The following HORMAD2 variants were observed in gnomAD, a reference collection of about 807,000 sequenced individuals.
The protein encoded by HORMAD2 is HORMA domain containing 2.
In HORMAD2, 45 loss-of-function variants were observed where a neutral mutation model predicts 38.8. The ratio of observed to expected loss-of-function variants is 1.16; its 90% CI spans 0.91 to 1.49. HORMAD2 has a LOEUF of 1.49. Ranked by LOEUF, HORMAD2 falls within the 40% of genes most tolerant of loss-of-function variation. The pLI, the probability that HORMAD2 is intolerant of heterozygous loss-of-function variation, is 0.00. For synonymous variants in HORMAD2, 126 were observed against 122.8 expected (o/e 1.03, Z -0.17); for missense variants, 338 against 367.0 (o/e 0.92, Z 0.65).
At chr22:30,083,708 C>T (rs949369113) in intron 1 of HORMAD2, among the ~76,000 whole-genome samples, 6 of 152,064 alleles carry the variant, frequency 3.9e-5, no homozygotes, top group Non-Finnish European at 2.9e-5. Flanking sequence ...CTCCACCTCC[C>T]GGGTTCAAGC....
chr22:30,191,402 G>C, the HORMAD2 span, among the ~76,000 whole-genome samples: 1 of 152,112 alleles, frequency 6.6e-6, no homozygotes, highest in African/African-American at 2.4e-5. Flanking sequence ...GGAAGAGGAG[G>C]GGGGCTCCTT....
intron 1 of HORMAD2, among the ~76,000 whole-genome samples, chr22:30,088,099 G>A (rs558038472): frequency 8.6e-5 from 11 of 127,612 alleles, no homozygotes; most frequent in African/African-American, 1.5e-4. Context: ...ATACACACAC[G>A]TACACACGTG....
intron 10 of HORMAD2, among the ~76,000 whole-genome samples, chr22:30,126,058 G>A (rs1922836662): frequency 6.6e-6 from 1 of 152,022 alleles, no homozygotes; most frequent in Non-Finnish European, 1.5e-5. Flanking sequence ...GAAACCCCCA[G>A]TCTTATTTTA....
intron 2 of HORMAD2, among the ~76,000 whole-genome samples, chr22:30,097,356 T>C (rs1356069724): frequency 6.6e-6 from 1 of 152,246 alleles, no homozygotes; most frequent in African/African-American, 2.4e-5. Flanking sequence ...ATTCCTTTTA[T>C]GGCACACTAT....
intron 10 of HORMAD2, among the ~76,000 whole-genome samples, chr22:30,173,937 A>C (rs576896687): frequency 1.3e-5 from 2 of 152,362 alleles, no homozygotes; most frequent in East Asian, 1.9e-4. Flanking sequence ...TCAGCTGGCT[A>C]TCCTATTTGT....
chr22:30,181,593 T>C (rs1441616345), downstream of HORMAD2, among the ~76,000 whole-genome samples: 2 of 152,186 alleles, frequency 1.3e-5, no homozygotes, highest in African/African-American at 2.4e-5. Context: ...GAGAACAGAC[T>C]GAATAAACAA....
intron 10 of HORMAD2, among the ~76,000 whole-genome samples, chr22:30,171,660 C>T (rs1458522580): frequency 1.3e-5 from 2 of 152,000 alleles, no homozygotes; most frequent in African/African-American, 4.8e-5. Flanking sequence ...TTTATTGAAC[C>T]TTTACTATGT....
upstream of HORMAD2, among the ~76,000 whole-genome samples, chr22:30,078,153 G>C (rs2068406314): frequency 6.6e-6 from 1 of 152,156 alleles, no homozygotes; most frequent in Non-Finnish European, 1.5e-5. Flanking sequence ...GAGGAAAACA[G>C]GGTAATTTAT....
intron 10 of HORMAD2, among the ~76,000 whole-genome samples, chr22:30,168,284 C>A (rs1925904838): frequency 6.6e-6 from 1 of 152,184 alleles, no homozygotes; most frequent in African/African-American, 2.4e-5. Context: ...AATCATTCAA[C>A]TTTCTGCTCT....
At chr22:30,180,201 T>G (rs1013255810), downstream of HORMAD2, among the ~76,000 whole-genome samples, 2 of 152,108 alleles carry the variant, frequency 1.3e-5, no homozygotes, top group African/African-American at 4.8e-5. Context: ...CATTAAACAT[T>G]TTAGTCTGGA....
the HORMAD2 span, chr22:30,207,039 C>G: frequency 2.1e-6 from 1 of 470,360 alleles, no homozygotes; most frequent in African/African-American, 2.0e-5. Context: ...TCGTGTCGGC[C>G]TTGCTCACCC....
chr22:30,121,995 T>C lies in HORMAD2; in HGVS notation c.600T>C (p.Phe200=), dbSNP rs748865572. ...VTPHDYQPLG[F]KEGVNSHFLL... ...CACATGATTACCAACCCCTCGGTTT[T>C]AAAGAAGGGGTAAATTCACACTTCC... The change falls in exon 10 of 11, where the codon TTT becomes TTC. Residue 200 remains phenylalanine, a synonymous_variant. Transcript: ENST00000336726. 6.8e-5 allele frequency: 110 copies of C among 1,611,938 alleles called. No homozygotes were observed. Among genetic ancestry groups the C allele is most frequent in the Non-Finnish European group, 9.2e-5 (109 of 1,178,958 alleles).
At chr22:30,134,693 CA>C in intron 10 of HORMAD2, among the ~76,000 whole-genome samples, 1 of 140,202 alleles carries the variant, frequency 7.1e-6, no homozygotes, top group South Asian at 2.3e-4. Context: ...GCTCTGTCAC[CA>C]AAAAAAGAAA....
chr22:30,142,428 T>C (rs974948251), intron 10 of HORMAD2, among the ~76,000 whole-genome samples: 12 of 152,244 alleles, frequency 7.9e-5, no homozygotes, highest in African/African-American at 2.9e-4. Flanking sequence ...GTTCAGATAT[T>C]CTGCCTAATT....
At position 30,147,125 on chromosome 22, in the gene HORMAD2, A is replaced by G. The variant is rs537442330; in HGVS notation, c.819+24911A>G. On this transcript the variant is annotated intron_variant, in intron 10 of 10. Transcript: ENST00000336726. ...GTTAATTTTCCCCAAATTGATCTAT[A>G]CATTCAATGCAATCCCAATCAAAAC... 3.3e-5 allele frequency among the ~76,000 whole-genome samples: 5 copies of G among 152,336 alleles called. No homozygotes were observed. In the South Asian group the frequency reaches 1.0e-3, roughly 32 times the overall value.
At position 30,111,454 on chromosome 22, in the gene HORMAD2, C is replaced by T. The variant is rs922690595; in HGVS notation, c.295-342C>T. 5.9e-5 allele frequency among the ~76,000 whole-genome samples: 9 copies of T among 152,212 alleles called. No homozygotes were observed. In the East Asian group the frequency reaches 1.4e-3, roughly 23 times the overall value. ...TCAGCCGATATCATGCCACAACACT[C>T]CAACCTGGGTGACAGAGTGAGACTC... is the stretch of plus-strand genomic sequence containing the variant. On this transcript the variant is annotated intron_variant, in intron 5 of 10. Coordinates refer to ENST00000336726, the MANE Select transcript of HORMAD2 (RefSeq NM_152510.4).
chr22:30,119,110 T>G, intron 8 of HORMAD2, 63 bp downstream of exon 8: 1 of 1,176,490 alleles, frequency 8.5e-7, no homozygotes, highest in Non-Finnish European at 1.2e-6. Flanking sequence ...ATAAGCTTCT[T>G]GAGGCCAGAG....
chr22:30,207,259 C>G, the HORMAD2 span: 1 of 341,474 alleles, frequency 2.9e-6, no homozygotes, highest in Non-Finnish European at 6.2e-6. Context: ...AAGACTGATT[C>G]TTTTCTTGGG....
chr22:30,093,950 A>C lies in HORMAD2; in HGVS notation c.-3A>C. On this transcript the variant is annotated 5_prime_UTR_variant, in exon 2 of 11. Coordinates refer to ENST00000336726, the MANE Select transcript of HORMAD2 (RefSeq NM_152510.4). ...GTTGAAATAATCCTGATACATTCCT[A>C]CAATGGCCACTGCTCAGCTTTCTCA... 6.2e-7 allele frequency: 1 copy of C among 1,600,956 alleles called. No individual in the cohort carries two copies. Among genetic ancestry groups the C allele is most frequent in the Non-Finnish European group, 8.5e-7 (1 of 1,170,922 alleles).
Sources: gnomAD v4.1 joint callset for allele counts (sites outside exome capture counted in the v4.1 genomes callset) on GRCh38, gnomAD v4.1.1 for gene constraint, MANE v1.5 for transcripts, NCBI Gene and HGNC (gene_info 2026-07-23, HGNC 2026-07-21) for gene names.